STEAP1B: variants seen among roughly 807,000 people sequenced by gnomAD.
STEAP1B encodes the protein STEAP family protein MGC87042.
A neutral mutation model predicts 27.9 loss-of-function variants in STEAP1B; 13 were observed. That is an observed-to-expected ratio of 0.47 (90% CI 0.30 to 0.74). The LOEUF (loss-of-function observed/expected upper bound fraction) is 0.74, where lower values mean the gene tolerates loss of function less well. STEAP1B is among the 30% of genes least tolerant of loss of function. The probability of loss-of-function intolerance (pLI) is 0.06; values close to 1 mark genes in which losing one functional copy is unlikely to be tolerated. For synonymous variants in STEAP1B, 86 were observed against 107.1 expected (o/e 0.80, Z 1.22); for missense variants, 250 against 298.7 (o/e 0.84, Z 1.20).
rs925357298 is a variant in STEAP1B at position 22,444,575 on chromosome 7, C to T, written c.763-24739G>A. Among the ~76,000 whole-genome samples, 6 of 152,322 alleles carry T rather than the reference C, an allele frequency of 3.9e-5. No homozygotes were observed. In the South Asian group the frequency reaches 1.0e-3, roughly 26 times the overall value. Reference sequence around the variant, plus strand: ...TGGAGAAAATGTCCCATCGGCTGCCCGGGAGCCTCTGCCTTGGCCACTCGC... The same window carrying T: ...TGGAGAAAATGTCCCATCGGCTGCCTGGGAGCCTCTGCCTTGGCCACTCGC... On this transcript the variant is annotated intron_variant, in intron 4 of 4. Transcript: ENST00000678116.
chr7:22,447,786 C>G (rs375719414), intron 4 of STEAP1B, among the ~76,000 whole-genome samples: 1 of 152,152 alleles, frequency 6.6e-6, no homozygotes, highest in East Asian at 1.9e-4. Context: ...ATGGATATAC[C>G]CAAATTGCAT....
intron 1 of STEAP1B, among the ~76,000 whole-genome samples, chr7:22,495,878 G>A (rs1786431372): frequency 6.6e-6 from 1 of 152,110 alleles, no homozygotes; most frequent in South Asian, 2.1e-4. Flanking sequence ...GTATAATGGA[G>A]CAAAAAAATT....
At chr7:22,439,642 C>A (rs1452901485) in intron 4 of STEAP1B, among the ~76,000 whole-genome samples, 1 of 152,082 alleles carries the variant, frequency 6.6e-6, no homozygotes, top group Non-Finnish European at 1.5e-5. Context: ...AAATAATGTT[C>A]TTACTAAATT....
intron 4 of STEAP1B, among the ~76,000 whole-genome samples, chr7:22,451,585 A>T (rs147171933): frequency 1.5e-3 from 223 of 152,224 alleles, no homozygotes; most frequent in African/African-American, 5.0e-3. Flanking sequence ...CAGTATTTTG[A>T]GGACTTTTAT....
chr7:22,494,754 T>C lies in STEAP1B; in HGVS notation c.84+18A>G, dbSNP rs1364259453. 7.2e-7 allele frequency: 1 copy of C among 1,388,238 alleles called. No individual in the cohort carries two copies. The highest frequency in any genetic ancestry group is 1.3e-5 in the South Asian group (1 of 78,712). The allele number at this position is 1,388,238 out of a possible 1,614,324, so 86.0% of individuals were successfully genotyped here. On this transcript the variant is annotated intron_variant, in intron 2 of 4. Transcript: ENST00000678116. Reference sequence around the variant, plus strand: ...AGATGTAAATTATTATTTATTATTGTCATTATTAATATTTTACCAAATAAT... The same window carrying C: ...AGATGTAAATTATTATTTATTATTGCCATTATTAATATTTTACCAAATAAT...
chr7:22,439,025 TGTAAATGATA>T (rs1785292673), intron 4 of STEAP1B, among the ~76,000 whole-genome samples: 1 of 152,180 alleles, frequency 6.6e-6, no homozygotes, highest in Non-Finnish European at 1.5e-5. Flanking sequence ...ATATGTAACT[TGTAAATGATA>T]GTAAATGTTT....
chr7:22,488,146 C>T (rs1786248560), intron 4 of STEAP1B, among the ~76,000 whole-genome samples: 1 of 152,218 alleles, frequency 6.6e-6, no homozygotes, highest in Non-Finnish European at 1.5e-5. Flanking sequence ...CCCTTCTCTC[C>T]TGGCCCTTGA....
chr7:22,474,417 C>T (rs1785937271), intron 4 of STEAP1B, among the ~76,000 whole-genome samples: 1 of 152,138 alleles, frequency 6.6e-6, no homozygotes, highest in Non-Finnish European at 1.5e-5. Flanking sequence ...AGTTTAAGAA[C>T]CACAGCCTTA....
intron 4 of STEAP1B, 94 bp from the exon 5 acceptor site, chr7:22,419,930 AT>A: frequency 7.1e-7 from 1 of 1,403,412 alleles, no homozygotes; most frequent in Non-Finnish European, 9.6e-7. Context: ...AACATGAGAA[AT>A]TGCAAGTATA....
At chr7:22,471,128 T>C (rs962307955) in intron 4 of STEAP1B, among the ~76,000 whole-genome samples, 16 of 152,188 alleles carry the variant, frequency 1.1e-4, no homozygotes, top group African/African-American at 3.4e-4. Flanking sequence ...AGCCGATGCT[T>C]TTCCTCTCCC....
intron 4 of STEAP1B, among the ~76,000 whole-genome samples, chr7:22,435,753 G>A (rs1785245649): frequency 1.3e-5 from 2 of 152,220 alleles, no homozygotes; most frequent in African/African-American, 4.8e-5. Context: ...GAGGTAAAGA[G>A]AGAAGTGAGC....
intron 4 of STEAP1B, among the ~76,000 whole-genome samples, chr7:22,456,968 A>ATTTTTTTTTTT (rs1554285700): frequency 4.8e-4 from 23 of 47,950 alleles, no homozygotes; most frequent in Non-Finnish European, 9.1e-4. Flanking sequence ...ATATATATAT[A>ATTTTTTTTTTT]TATATTTTTT....
intron 4 of STEAP1B, among the ~76,000 whole-genome samples, chr7:22,424,027 T>A (rs1461283648): frequency 2.0e-5 from 3 of 152,134 alleles, no homozygotes; most frequent in Non-Finnish European, 4.4e-5. Context: ...AGACCCTATC[T>A]CTAAAAAAGG....
intron 4 of STEAP1B, among the ~76,000 whole-genome samples, chr7:22,430,920 A>G (rs572931705): frequency 6.6e-6 from 1 of 152,344 alleles, no homozygotes; most frequent in Non-Finnish European, 1.5e-5. Context: ...TCTCTCTGCC[A>G]TCAGGCATTT....
At chr7:22,456,972 A>ATATATATTTTTTT in intron 4 of STEAP1B, among the ~76,000 whole-genome samples, 3 of 57,080 alleles carry the variant, frequency 5.3e-5, no homozygotes, top group Admixed American at 2.0e-4. Flanking sequence ...ATATATATAT[A>ATATATATTTTTTT]TTTTTTTTTT....
At chr7:22,432,951 T>C (rs920796266) in intron 4 of STEAP1B, among the ~76,000 whole-genome samples, 10 of 152,216 alleles carry the variant, frequency 6.6e-5, no homozygotes, top group Non-Finnish European at 1.0e-4. Context: ...AGTTGCTTCA[T>C]GAGCTCAACC....
chr7:22,420,634 G>C (rs190818129), intron 4 of STEAP1B, among the ~76,000 whole-genome samples: 2 of 152,350 alleles, frequency 1.3e-5, no homozygotes, highest in African/African-American at 4.8e-5. Context: ...ACATAAGATT[G>C]ATTTTTCCTT....
intron 4 of STEAP1B, among the ~76,000 whole-genome samples, chr7:22,429,578 A>G (rs1785152464): frequency 1.3e-5 from 2 of 152,232 alleles, no homozygotes; most frequent in Admixed American, 1.3e-4. Flanking sequence ...CAGGTGATGT[A>G]TACAGTGTGG....
At position 22,488,387 on chromosome 7, in the gene STEAP1B, T is replaced by C. The variant is rs890633255; in HGVS notation, c.762+4178A>G. On this transcript the variant is annotated intron_variant, in intron 4 of 4. Coordinates refer to ENST00000678116, the MANE Select transcript of STEAP1B (RefSeq NM_001382447.1). ...CCTTTAACAACATACCTCCCTCCCA[T>C]CTGTCAGTCTATGAGCCAGAAGAAG... is the stretch of plus-strand genomic sequence containing the variant. Among the ~76,000 whole-genome samples, 11 of 152,128 alleles carry C rather than the reference T, an allele frequency of 7.2e-5. No individual in the cohort carries two copies. The East Asian group carries it at 1.3e-3, about 19-fold the overall frequency.
Sources: gnomAD v4.1 joint callset for allele counts (sites outside exome capture counted in the v4.1 genomes callset) on GRCh38, gnomAD v4.1.1 for gene constraint, MANE v1.5 for transcripts, NCBI Gene and HGNC (gene_info 2026-07-23, HGNC 2026-07-21) for gene names.